Variants in RAPGEF4 observed in about 807,000 individuals in gnomAD.
The protein encoded by RAPGEF4 is Rap guanine nucleotide exchange factor 4.
RAPGEF4 carries 66 observed loss-of-function variants against 147.9 expected under a neutral mutation model. The ratio of observed to expected loss-of-function variants is 0.45; its 90% CI spans 0.37 to 0.55. The LOEUF (loss-of-function observed/expected upper bound fraction) is 0.55, where lower values mean the gene tolerates loss of function less well. Ranked by LOEUF, RAPGEF4 falls within the 20% of genes least tolerant of loss-of-function variation. RAPGEF4 has a pLI of 0.00. For missense variants in RAPGEF4, 1,071 were observed against 1,257.3 expected (o/e 0.85, Z 2.24); for synonymous variants, 419 against 442.7 (o/e 0.95, Z 0.67).
At chr2:172,906,742 A>G (rs2149987560) in intron 4 of RAPGEF4, among the ~76,000 whole-genome samples, 1 of 152,306 alleles carries the variant, frequency 6.6e-6, no homozygotes, top group South Asian at 2.1e-4. Context: ...AGTGCCAGGA[A>G]GGCCCTGACC....
chr2:172,925,468 A>G (rs1189517211), intron 6 of RAPGEF4, among the ~76,000 whole-genome samples: 3 of 152,182 alleles, frequency 2.0e-5, no homozygotes, highest in East Asian at 3.9e-4. Flanking sequence ...ACTATTTATT[A>G]TAATTGATGG....
rs1301440531 is a variant in RAPGEF4 at position 172,898,589 on chromosome 2, G to A, written c.445-19213G>A. Reference sequence around the variant, plus strand: ...CAGGTTGTCTAGCTCCTTGGGATGTGGGCTGGCTGGACCTGCTCACTTGCA... The same window carrying A: ...CAGGTTGTCTAGCTCCTTGGGATGTAGGCTGGCTGGACCTGCTCACTTGCA... On this transcript the variant is annotated intron_variant, in intron 4 of 30. Coordinates refer to ENST00000397081, the MANE Select transcript of RAPGEF4 (RefSeq NM_007023.4). Among the ~76,000 whole-genome samples, 3 of 152,184 alleles carry A rather than the reference G, an allele frequency of 2.0e-5. No homozygotes were observed. The East Asian group carries it at 5.8e-4, about 29-fold the overall frequency.
intron 19 of RAPGEF4, 97 bp downstream of exon 19, chr2:173,016,534 C>A: frequency 2.0e-6 from 2 of 983,748 alleles, no homozygotes; most frequent in Non-Finnish European, 1.6e-6. Flanking sequence ...TTTCCATAGC[C>A]ATGCCCCGCT....
At chr2:172,967,536 A>C (rs1689978282) in intron 10 of RAPGEF4, 92 bp downstream of exon 10, 1 of 1,329,202 alleles carries the variant, frequency 7.5e-7, no homozygotes, top group African/African-American at 1.5e-5. Flanking sequence ...TGCTCTCAAA[A>C]GCCCTGGCCA....
intron 4 of RAPGEF4, among the ~76,000 whole-genome samples, chr2:172,870,321 C>A (rs1256552460): frequency 1.3e-5 from 2 of 152,154 alleles, no homozygotes; most frequent in East Asian, 3.9e-4. Context: ...CTGTTCTATT[C>A]TATTCTATGA....
chr2:172,836,662 T>C (rs937306368), intron 4 of RAPGEF4, among the ~76,000 whole-genome samples: 1 of 152,160 alleles, frequency 6.6e-6, no homozygotes, highest in Non-Finnish European at 1.5e-5. Context: ...AGTCAGGCCA[T>C]AATTATTTGT....
At chr2:172,979,284 G>T (rs76749725) in intron 10 of RAPGEF4, among the ~76,000 whole-genome samples, 2,863 of 152,270 alleles carry the variant, frequency 0.019, 37 homozygotes, top group Non-Finnish European at 0.032. Context: ...GGACGCAAAA[G>T]AACTGCTCCA....
chr2:172,794,986 T>G (rs1444792918), intron 1 of RAPGEF4, 39 bp from the exon 2 acceptor site: 1 of 1,566,614 alleles, frequency 6.4e-7, no homozygotes. Context: ...GAGGTAAATC[T>G]TTACTGACAT....
At chr2:172,806,029 G>C (rs927977479) in intron 3 of RAPGEF4, among the ~76,000 whole-genome samples, 213 of 150,728 alleles carry the variant, frequency 1.4e-3, no homozygotes, top group African/African-American at 4.8e-3. Context: ...GTGTGTGTGT[G>C]TGTGTGTGTG....
At chr2:173,021,281 C>T (rs1381300181) in intron 23 of RAPGEF4, among the ~76,000 whole-genome samples, 1 of 152,140 alleles carries the variant, frequency 6.6e-6, no homozygotes, top group Admixed American at 6.5e-5. Flanking sequence ...TCTTTTAAGT[C>T]GGTGGTAGCA....
intron 4 of RAPGEF4, chr2:172,889,924 C>T (rs1391124786): frequency 1.5e-6 from 1 of 650,588 alleles, no homozygotes; most frequent in Admixed American, 6.3e-5. Flanking sequence ...CTACCAGCGT[C>T]TGGGAATGTT....
At chr2:172,903,034 T>C (rs1338664694) in intron 4 of RAPGEF4, among the ~76,000 whole-genome samples, 1 of 151,860 alleles carries the variant, frequency 6.6e-6, no homozygotes, top group Non-Finnish European at 1.5e-5. Flanking sequence ...GCAAACAACA[T>C]GTGTGGGCAG....
At chr2:172,766,959 T>A (rs2149480026) in intron 1 of RAPGEF4, among the ~76,000 whole-genome samples, 1 of 152,324 alleles carries the variant, frequency 6.6e-6, no homozygotes, top group African/African-American at 2.4e-5. Context: ...TCTTGTATGG[T>A]TTTGTTTTTG....
intron 4 of RAPGEF4, among the ~76,000 whole-genome samples, chr2:172,855,845 TATGCC>T (rs1693356407): frequency 6.6e-6 from 1 of 152,196 alleles, no homozygotes; most frequent in Non-Finnish European, 1.5e-5. Context: ...CTATACATAG[TATGCC>T]ATTTTCCCCC....
intron 1 of RAPGEF4, among the ~76,000 whole-genome samples, chr2:172,779,933 C>T (rs919725811): frequency 8.5e-5 from 13 of 152,144 alleles, no homozygotes; most frequent in East Asian, 3.9e-4. Context: ...CACTTAGTCA[C>T]GCCATAGAAT....
rs2149468617 is a variant in RAPGEF4, at chr2:172,761,866, G to A, written c.65+25818G>A. Among the ~76,000 whole-genome samples, 2 of 152,200 alleles carry A rather than the reference G, an allele frequency of 1.3e-5. 1 individual carries two copies. Among genetic ancestry groups the A allele is most frequent in the East Asian group, 3.9e-4 (2 of 5,170 alleles). On this transcript the variant is annotated intron_variant, in intron 1 of 30. Transcript: ENST00000397081. Reference sequence around the variant, plus strand: ...CGGCCTGGCATGGTGGCTCATGCCTGTAATCCCAGCACTTTGGGAGGCCGA... The same window carrying A: ...CGGCCTGGCATGGTGGCTCATGCCTATAATCCCAGCACTTTGGGAGGCCGA...
chr2:172,870,633 A>T (rs1263810359), intron 4 of RAPGEF4, among the ~76,000 whole-genome samples: 1 of 152,108 alleles, frequency 6.6e-6, no homozygotes, highest in African/African-American at 2.4e-5. Flanking sequence ...TATAGGTGGT[A>T]ATGGCTTCAG....
chr2:172,979,845 C>T (rs1180257339), intron 10 of RAPGEF4, among the ~76,000 whole-genome samples: 1 of 152,068 alleles, frequency 6.6e-6, no homozygotes, highest in South Asian at 2.1e-4. Context: ...GGTGAAAACC[C>T]GTCTCTACCA....
Position 173,051,971 on chromosome 2 carries a change from C to A in RAPGEF4, c.*204C>A, listed in dbSNP as rs528874850. On this transcript the variant is annotated 3_prime_UTR_variant, in exon 31 of 31. Coordinates refer to ENST00000397081, the MANE Select transcript of RAPGEF4 (RefSeq NM_007023.4). ...TTGACATGCCTAAAGCTTACACACT[C>A]TAGCTTAGGAATCCCCAGTTTGTGG... The A allele has an allele frequency of 2.1e-4, 94 of 440,638 alleles. No homozygotes were observed. Among genetic ancestry groups the A allele is most frequent in the Non-Finnish European group, 3.2e-4 (82 of 254,618 alleles). The allele number at this position is 440,638 out of a possible 1,614,324, so 27.3% of individuals were successfully genotyped here.
Sources: gnomAD v4.1 joint callset for allele counts (sites outside exome capture counted in the v4.1 genomes callset) on GRCh38, gnomAD v4.1.1 for gene constraint, MANE v1.5 for transcripts, NCBI Gene and HGNC (gene_info 2026-07-23, HGNC 2026-07-21) for gene names.